The following RSRC1 variants were observed in gnomAD, a reference collection of about 807,000 sequenced individuals.
RSRC1 encodes the protein serine/Arginine-related protein 53.
Under a neutral mutation model 49.1 loss-of-function variants are expected in RSRC1, and 39 were observed. The ratio of observed to expected loss-of-function variants is 0.79; its 90% CI spans 0.61 to 1.04. The LOEUF is 1.04. Among genes scored for constraint, RSRC1 ranks in the 50% least tolerant of loss-of-function variants. RSRC1 has a pLI of 0.00. For synonymous variants in RSRC1, 143 were observed against 130.8 expected (o/e 1.09, Z -0.63); for missense variants, 388 against 402.4 (o/e 0.96, Z 0.31).
chr3:158,512,042 G>A (rs912891893), intron 7 of RSRC1, among the ~76,000 whole-genome samples: 3 of 144,770 alleles, frequency 2.1e-5, no homozygotes, highest in African/African-American at 5.1e-5. Context: ...TGAGTAGGTT[G>A]CGAAAATTTT....
At chr3:158,509,313 G>A (rs930863352) in intron 7 of RSRC1, among the ~76,000 whole-genome samples, 4 of 152,126 alleles carry the variant, frequency 2.6e-5, no homozygotes, top group East Asian at 1.9e-4. Context: ...TAGAAGATAT[G>A]TAAAGGGCAT....
intron 7 of RSRC1, among the ~76,000 whole-genome samples, chr3:158,518,133 T>TAC (rs1740689622): frequency 1.1e-5 from 1 of 93,878 alleles, no homozygotes; most frequent in Non-Finnish European, 2.1e-5. Flanking sequence ...TGTGTATATA[T>TAC]ATATATATAT....
At chr3:158,153,254 G>T (rs1355392795) in intron 3 of RSRC1, among the ~76,000 whole-genome samples, 2 of 152,154 alleles carry the variant, frequency 1.3e-5, no homozygotes, top group African/African-American at 2.4e-5. Flanking sequence ...CCATCAAAGT[G>T]ATCTGCAACT....
rs1245965444 is a variant in RSRC1 at position 158,129,221 on chromosome 3, CAT to C, written c.320+5233_320+5234del. On this transcript the variant is annotated intron_variant, in intron 3 of 9. Coordinates refer to ENST00000611884, the MANE Select transcript of RSRC1 (RefSeq NM_001271838.2). ...ATGATTCAAATTAATTTTTGTGTAT[CAT>C]ATGAGATAGGGGGTTAGGTTCAATT... Among the ~76,000 whole-genome samples the C allele has an allele frequency of 2.7e-5, 4 of 148,900 alleles. No homozygotes were observed. The East Asian group carries it at 8.0e-4, about 30-fold the overall frequency.
rs145652918 is a variant in RSRC1 at position 158,264,846 on chromosome 3, G to C, written c.495-33193G>C. On this transcript the variant is annotated intron_variant, in intron 4 of 9. Coordinates refer to ENST00000611884, the MANE Select transcript of RSRC1 (RefSeq NM_001271838.2). The stretch of plus-strand genomic sequence containing the variant: ...GCCTTATGAGTTATGAGTTTTTCCT[G>C]TCTGGCTTGTTGGAATGGGCACTAT... 3.0e-4 allele frequency among the ~76,000 whole-genome samples: 45 copies of C among 152,292 alleles called. 1 individual carries two copies. The East Asian group carries it at 8.1e-3, about 27-fold the overall frequency.
At chr3:158,261,159 A>G (rs899980279) in intron 4 of RSRC1, among the ~76,000 whole-genome samples, 25 of 152,104 alleles carry the variant, frequency 1.6e-4, no homozygotes, top group African/African-American at 5.8e-4. Flanking sequence ...CCTTCCCTCT[A>G]TGCTTTACTT....
chr3:158,385,113 A>G (rs1732905400), intron 6 of RSRC1, among the ~76,000 whole-genome samples: 1 of 152,162 alleles, frequency 6.6e-6, no homozygotes, highest in Non-Finnish European at 1.5e-5. Context: ...ACACTCCGCT[A>G]TCACTGAAAT....
intron 8 of RSRC1, among the ~76,000 whole-genome samples, chr3:158,540,336 A>G (rs906828650): frequency 2.0e-5 from 3 of 152,214 alleles, no homozygotes; most frequent in African/African-American, 4.8e-5. Context: ...ATAAAAGTTA[A>G]TATTATCATT....
intron 4 of RSRC1, among the ~76,000 whole-genome samples, chr3:158,259,948 C>G (rs981244692): frequency 2.6e-5 from 4 of 152,032 alleles, no homozygotes; most frequent in African/African-American, 9.7e-5. Flanking sequence ...TTAATGTTGC[C>G]ATGTCTGGGT....
chr3:158,215,571 T>G (rs1442286169), intron 4 of RSRC1, among the ~76,000 whole-genome samples: 2 of 151,826 alleles, frequency 1.3e-5, no homozygotes, highest in Non-Finnish European at 2.9e-5. Context: ...TGATTTCCCT[T>G]TCCTATATTT....
rs564633575 is a variant in RSRC1, at chr3:158,316,438, A to ATTTTT, written c.531+18385_531+18389dup. Among the ~76,000 whole-genome samples the ATTTTT allele has an allele frequency of 1.1e-4, 8 of 72,240 alleles. 1 individual carries two copies. The highest frequency in any genetic ancestry group is 4.7e-4 in the East Asian group (1 of 2,128). The allele number at this position is 72,240 out of a possible 152,430, so 47.4% of individuals were successfully genotyped here. On this transcript the variant is annotated intron_variant, in intron 5 of 9. Coordinates refer to ENST00000611884, the MANE Select transcript of RSRC1 (RefSeq NM_001271838.2). ...TAATCAGTCCACTGCAGAATCTCTCATTTTTTTTTTTTTTTTTTTTTTTTT... is the reference window on the plus strand; with the variant it reads ...TAATCAGTCCACTGCAGAATCTCTCATTTTTTTTTTTTTTTTTTTTTTTTTTTTTT...
At chr3:158,497,752 G>A (rs549060908) in intron 7 of RSRC1, among the ~76,000 whole-genome samples, 34 of 152,002 alleles carry the variant, frequency 2.2e-4, no homozygotes, top group East Asian at 5.8e-4. Context: ...TCATTCTTAC[G>A]TCTTTGTGTC....
At chr3:158,204,391 A>G (rs920423987) in intron 4 of RSRC1, among the ~76,000 whole-genome samples, 4 of 152,190 alleles carry the variant, frequency 2.6e-5, no homozygotes, top group African/African-American at 4.8e-5. Context: ...TCATCCCACA[A>G]CCATTAATGT....
chr3:158,489,338 A>G (rs1738968824), intron 7 of RSRC1, among the ~76,000 whole-genome samples: 1 of 152,168 alleles, frequency 6.6e-6, no homozygotes, highest in Admixed American at 6.5e-5. Context: ...TTCCAAGTCC[A>G]CCCTTTGTAT....
chr3:158,544,154 CA>C (rs1237577943), intron 9 of RSRC1, 28 bp from the exon 10 acceptor site: 1 of 1,499,082 alleles, frequency 6.7e-7, no homozygotes, highest in East Asian at 2.3e-5. Context: ...GAGACAGTAA[CA>C]TTTTTTCTTT....
intron 5 of RSRC1, among the ~76,000 whole-genome samples, chr3:158,315,414 G>A (rs1183348390): frequency 6.6e-6 from 1 of 152,048 alleles, no homozygotes; most frequent in Non-Finnish European, 1.5e-5. Context: ...GGAATTTTTG[G>A]TGCTACTCTT....
In RSRC1 at chr3:158,116,316, AAAT is replaced by A. The variant is rs535751527; in HGVS notation, c.-2-5783_-2-5781del. Among the ~76,000 whole-genome samples the A allele has an allele frequency of 2.7e-3, 408 of 152,308 alleles. 4 individuals are homozygous for A. The highest frequency in any genetic ancestry group is 1.7e-3 in the East Asian group (9 of 5,186). On this transcript the variant is annotated intron_variant, in intron 1 of 9. Transcript: ENST00000611884. ...ATAATTATAGTGAGTTTTTAAAATA[AAAT>A]AATGTTTCATAATAAAAGCAGCTAA...
chr3:158,359,901 G>C (rs1731375479), intron 6 of RSRC1, among the ~76,000 whole-genome samples: 1 of 152,198 alleles, frequency 6.6e-6, no homozygotes, highest in Non-Finnish European at 1.5e-5. Flanking sequence ...ACAGCTCAGA[G>C]GGGACTGGCA....
At chr3:158,509,923 A>G (rs891122335) in intron 7 of RSRC1, among the ~76,000 whole-genome samples, 6 of 152,212 alleles carry the variant, frequency 3.9e-5, no homozygotes, top group African/African-American at 1.4e-4. Context: ...ATGTGCAAGT[A>G]TTTCTCCAGG....
Sources: gnomAD v4.1 joint callset for allele counts (sites outside exome capture counted in the v4.1 genomes callset) on GRCh38, gnomAD v4.1.1 for gene constraint, MANE v1.5 for transcripts, NCBI Gene and HGNC (gene_info 2026-07-23, HGNC 2026-07-21) for gene names.